Variants in COL15A1 observed in about 807,000 individuals in gnomAD.
COL15A1 encodes collagen type XV alpha 1 chain.
Under a neutral mutation model 165.9 loss-of-function variants are expected in COL15A1, and 111 were observed. That is an observed-to-expected ratio of 0.67 (90% CI 0.57 to 0.78). The LOEUF is 0.78. Ranked by LOEUF, COL15A1 falls within the 30% of genes least tolerant of loss-of-function variation. The pLI is 0.00. For synonymous variants in COL15A1, 659 were observed against 674.8 expected (o/e 0.98, Z 0.36); for missense variants, 1,745 against 1,789.7 (o/e 0.98, Z 0.45).
intron 5 of COL15A1, among the ~76,000 whole-genome samples, chr9:98,995,858 C>T (rs1838534557): frequency 6.6e-6 from 1 of 152,144 alleles, no homozygotes. Flanking sequence ...TTTTCTATTT[C>T]CTGCCTTCAA....
Position 99,054,651 on chromosome 9 carries a change from C to T in COL15A1, c.3026C>T (p.Pro1009Leu), listed in dbSNP as rs1825686993. The T allele has an allele frequency of 6.2e-7, 1 of 1,609,342 alleles. No individual in the cohort carries two copies. Among genetic ancestry groups the T allele is most frequent in the African/African-American group, 1.3e-5 (1 of 74,380 alleles). ...GEKGDQGAQG[P>L]PGPPLDLAYL... ...AAAGGCGACCAGGGAGCCCAGGGAC[C>T]ACCAGGTATTCCAGCTCTTGTTCTC... The change falls in exon 32 of 42, where the codon CCA becomes CTA. Residue 1009 changes from proline to leucine, a missense_variant. Coordinates refer to ENST00000375001, the MANE Select transcript of COL15A1 (RefSeq NM_001855.5).
At chr9:99,046,661 A>G (rs1839496322) in intron 26 of COL15A1, among the ~76,000 whole-genome samples, 1 of 152,144 alleles carries the variant, frequency 6.6e-6, no homozygotes, top group African/African-American at 2.4e-5. Flanking sequence ...GCTAGGGAGA[A>G]CTCATTCACT....
chr9:98,953,316 G>A (rs16918099), intron 2 of COL15A1, among the ~76,000 whole-genome samples: 6,698 of 152,170 alleles, frequency 0.044, 369 homozygotes, highest in East Asian at 0.15. Flanking sequence ...CTACAGAGAG[G>A]AAAAGTCTAG....
Position 99,047,999 on chromosome 9 carries a change from A to G in COL15A1, c.2792A>G (p.Gln931Arg). Residue 931 changes from glutamine to arginine, a missense_variant and splice_region_variant, in exon 28 of 42, where the codon CAG becomes CGG. Physicochemically the swap from Gln to Arg is conservative, Grantham distance 43. Coordinates refer to ENST00000375001, the MANE Select transcript of COL15A1 (RefSeq NM_001855.5). ...AAAGGAGATCCAGGGGTCATTATGC[A>G]GGTGAGTCACCCTGGGGATGGAGCC... The part of the protein sequence containing the change: ...GTKGDPGVIM[Q>R]GPPGLPGPPG... 1 of 1,548,412 alleles carries G rather than the reference A, an allele frequency of 6.5e-7. No homozygotes were observed. Among genetic ancestry groups the G allele is most frequent in the Non-Finnish European group, 8.8e-7 (1 of 1,133,276 alleles).
intron 2 of COL15A1, among the ~76,000 whole-genome samples, chr9:98,978,542 T>G (rs556813740): frequency 2.0e-5 from 3 of 152,172 alleles, no homozygotes. Flanking sequence ...CTCAGTAGGG[T>G]GTTTGTGGTT....
At chr9:99,023,835 T>G (rs1042122424) in intron 14 of COL15A1, among the ~76,000 whole-genome samples, 2 of 152,202 alleles carry the variant, frequency 1.3e-5, no homozygotes, top group Non-Finnish European at 2.9e-5. Flanking sequence ...CTGCTGGTTT[T>G]GTCTCTGGGT....
rs772990651 is a variant in COL15A1, at chr9:99,025,941, G to T, written c.2018G>T (p.Gly673Val). 7 of 1,612,542 alleles carry T rather than the reference G, an allele frequency of 4.3e-6. No individual in the cohort carries two copies. In the African/African-American group the frequency reaches 6.7e-5, roughly 15 times the overall value. The change falls in exon 16 of 42, where the codon GGC (glycine) becomes GTC (valine). Residue 673 changes from glycine (G) to valine (V), a missense_variant. Transcript: ENST00000375001. ...CAGCCTGGAGTTGATGGAGCCACCGGCCTTCCCGGGATGAAAGGGGAGAAG... is the reference window on the plus strand; with the variant it reads ...CAGCCTGGAGTTGATGGAGCCACCGTCCTTCCCGGGATGAAAGGGGAGAAG... ...EGQPGVDGAT[G>V]LPGMKGEKGA...
intron 2 of COL15A1, among the ~76,000 whole-genome samples, chr9:98,972,869 G>A (rs559192942): frequency 6.6e-6 from 1 of 152,320 alleles, no homozygotes; most frequent in South Asian, 2.1e-4. Context: ...AGAGCCACAA[G>A]GAAAGCTTGA....
rs2117972118 is a variant in COL15A1 at position 99,062,006 on chromosome 9, G to A, written c.3438G>A (p.Gln1146=). 6.2e-7 allele frequency: 1 copy of A among 1,613,954 alleles called. No individual in the cohort carries two copies. The highest frequency in any genetic ancestry group is 1.6e-4 in the Middle Eastern group (1 of 6,062). Residue 1146 remains glutamine, a synonymous_variant, in exon 37 of 42, where the codon CAG becomes CAA. Coordinates refer to ENST00000375001, the MANE Select transcript of COL15A1 (RefSeq NM_001855.5). ...TCAGCAACATGGATGACATGCTGCAGAAAGCGCATTTGGTTATAGAAGGAA... is the reference window on the plus strand; with the variant it reads ...TCAGCAACATGGATGACATGCTGCAAAAAGCGCATTTGGTTATAGAAGGAA... ...TAFSNMDDML[Q]KAHLVIEGTF...
intron 4 of COL15A1, among the ~76,000 whole-genome samples, chr9:98,988,085 G>C (rs1838347796): frequency 6.6e-6 from 1 of 152,214 alleles, no homozygotes; most frequent in African/African-American, 2.4e-5. Flanking sequence ...AGGGGTCCAG[G>C]ATGCAGTCAG....
At chr9:98,994,373 G>C (rs1201244039) in intron 5 of COL15A1, among the ~76,000 whole-genome samples, 1 of 152,128 alleles carries the variant, frequency 6.6e-6, no homozygotes, top group Non-Finnish European at 1.5e-5. Flanking sequence ...CTTAGTTCCT[G>C]CGGTTCTGTT....
At chr9:98,999,527 CTTT>C (rs1318084201) in intron 6 of COL15A1, among the ~76,000 whole-genome samples, 6 of 140,428 alleles carry the variant, frequency 4.3e-5, no homozygotes, top group Admixed American at 1.4e-4. Flanking sequence ...TCTTCTTCTT[CTTT>C]TTTTTTTTTT....
chr9:99,037,386 T>G (rs1380128030), intron 21 of COL15A1, among the ~76,000 whole-genome samples: 1 of 152,180 alleles, frequency 6.6e-6, no homozygotes, highest in East Asian at 1.9e-4. Flanking sequence ...CTCATGGGCA[T>G]GCACTCTGCA....
chr9:99,020,880 C>A lies in COL15A1; in HGVS notation c.1701+438C>A, dbSNP rs184625051. ...GCCTTTTTGTAGCTGTGGGATCTCC[C>A]GAAAGTTCTTTACTATTTCTTTGCT... On this transcript the variant is annotated intron_variant, in intron 12 of 41. Coordinates refer to ENST00000375001, the MANE Select transcript of COL15A1 (RefSeq NM_001855.5). Among the ~76,000 whole-genome samples, 10 of 152,294 alleles carry A rather than the reference C, an allele frequency of 6.6e-5. No individual in the cohort carries two copies. The East Asian group carries it at 1.4e-3, about 21-fold the overall frequency.
chr9:98,984,021 T>C (rs986260933), intron 2 of COL15A1, among the ~76,000 whole-genome samples: 3 of 152,236 alleles, frequency 2.0e-5, no homozygotes, highest in African/African-American at 7.2e-5. Flanking sequence ...CCACTTAGGT[T>C]CTCAGTGGCC....
chr9:98,973,811 C>T (rs1005633408), intron 2 of COL15A1, among the ~76,000 whole-genome samples: 2 of 152,304 alleles, frequency 1.3e-5, no homozygotes, highest in East Asian at 1.9e-4. Flanking sequence ...CTGAAAGAAC[C>T]GGCAGTTAGG....
chr9:99,054,769 C>T (rs748760316), intron 32 of COL15A1, 113 bp downstream of exon 32: 2 of 1,169,646 alleles, frequency 1.7e-6, no homozygotes, highest in Non-Finnish European at 2.4e-6. Flanking sequence ...CCACCCTGAC[C>T]ACAGGCTCCA....
Position 99,005,021 on chromosome 9 carries a change from G to T in COL15A1, c.1324G>T (p.Ala442Ser), listed in dbSNP as rs16918128. 1.9e-6 allele frequency: 3 copies of T among 1,612,190 alleles called. No homozygotes were observed. The highest frequency in any genetic ancestry group is 8.5e-7 in the Non-Finnish European group (1 of 1,179,116). ...APGELDLSMS[A>S]QSLGEEATVG... ...CGGGGAGCTGGACCTCTCCATGTCC[G>T]CCCAGAGCCTCGGGGAAGAGGCCAC... Residue 442 changes from alanine (A) to serine (S), a missense_variant, in exon 9 of 42, where the codon GCC becomes TCC. Ala to Ser is a moderately conservative substitution (Grantham distance 99, BLOSUM62 1). Coordinates refer to ENST00000375001, the MANE Select transcript of COL15A1 (RefSeq NM_001855.5).
chr9:98,949,654 AT>A (rs1331518353), intron 2 of COL15A1, among the ~76,000 whole-genome samples: 2 of 152,230 alleles, frequency 1.3e-5, no homozygotes, highest in African/African-American at 2.4e-5. Context: ...TTTATTGACC[AT>A]TTAGATATCC....
Sources: gnomAD v4.1 joint callset for allele counts (sites outside exome capture counted in the v4.1 genomes callset) on GRCh38, gnomAD v4.1.1 for gene constraint, MANE v1.5 for transcripts, NCBI Gene and HGNC (gene_info 2026-07-23, HGNC 2026-07-21) for gene names.